ERG: variants seen among roughly 807,000 people sequenced by gnomAD.
ERG encodes ETS transcription factor ERG.
A neutral mutation model predicts 55.3 loss-of-function variants in ERG; 9 were observed. The observed-to-expected ratio is 0.16, with a 90% CI of 0.10 to 0.28. ERG has a LOEUF of 0.28. Among genes scored for constraint, ERG ranks in the 10% least tolerant of loss-of-function variants. ERG has a pLI of 1.00. For missense variants in ERG, 434 were observed against 631.6 expected (o/e 0.69, Z 3.35); for synonymous variants, 223 against 237.3 (o/e 0.94, Z 0.55).
intron 2 of ERG, among the ~76,000 whole-genome samples, chr21:38,535,551 T>A (rs538098600): frequency 6.6e-6 from 1 of 152,228 alleles, no homozygotes; most frequent in Non-Finnish European, 1.5e-5. Flanking sequence ...TTTATTTTTT[T>A]CCCTTATTTG....
chr21:38,622,491 TCATA>T (rs1462044381), intron 1 of ERG, among the ~76,000 whole-genome samples: 1 of 143,464 alleles, frequency 7.0e-6, no homozygotes, highest in Admixed American at 6.9e-5. Flanking sequence ...ACACACATGC[TCATA>T]CATACCACAC....
At chr21:38,654,633 C>G (rs2060508010) in intron 1 of ERG, among the ~76,000 whole-genome samples, 2 of 152,280 alleles carry the variant, frequency 1.3e-5, no homozygotes, top group African/African-American at 4.8e-5. Context: ...CCAGAAGACT[C>G]CCTAGATTTG....
chr21:38,598,950 G>C (rs932591336), intron 1 of ERG, among the ~76,000 whole-genome samples: 9 of 152,156 alleles, frequency 5.9e-5, no homozygotes, highest in African/African-American at 1.9e-4. Context: ...CCACCCCAGG[G>C]AAAGAAAGGA....
chr21:38,494,564 ATTTTTATGT>A, intron 1 of ERG, among the ~76,000 whole-genome samples: 1 of 152,184 alleles, frequency 6.6e-6, no homozygotes, highest in Non-Finnish European at 1.5e-5. Flanking sequence ...TCATTTACTT[ATTTTTATGT>A]ATGCTTTTTC....
chr21:38,393,018 G>C (rs1988048456), intron 6 of ERG, among the ~76,000 whole-genome samples: 1 of 152,046 alleles, frequency 6.6e-6, no homozygotes, highest in Non-Finnish European at 1.5e-5. Flanking sequence ...AGTCTTATCT[G>C]ATCTAGTGAT....
intron 5 of ERG, among the ~76,000 whole-genome samples, chr21:38,402,252 A>G (rs1360441791): frequency 6.6e-6 from 1 of 152,224 alleles, no homozygotes; most frequent in African/African-American, 2.4e-5. Context: ...TATTGGGACC[A>G]ACAGAAGAAG....
chr21:38,472,982 C>T (rs1484874130), intron 1 of ERG, among the ~76,000 whole-genome samples: 1 of 152,162 alleles, frequency 6.6e-6, no homozygotes, highest in Admixed American at 6.5e-5. Flanking sequence ...GACCTCGGCT[C>T]CCCGCCTGCA....
At chr21:38,572,464 T>C (rs950646280) in intron 2 of ERG, among the ~76,000 whole-genome samples, 3 of 151,998 alleles carry the variant, frequency 2.0e-5, no homozygotes, top group African/African-American at 7.2e-5. Context: ...AAATTTTACT[T>C]CAAAAACTCC....
chr21:38,596,412 T>C (rs1222501493), intron 1 of ERG, among the ~76,000 whole-genome samples: 1 of 152,136 alleles, frequency 6.6e-6, no homozygotes, highest in African/African-American at 2.4e-5. Flanking sequence ...GAAAGGCACA[T>C]CCTGGTTCAA....
chr21:38,638,251 C>T (rs1161961127), intron 1 of ERG, among the ~76,000 whole-genome samples: 1 of 152,164 alleles, frequency 6.6e-6, no homozygotes, highest in Non-Finnish European at 1.5e-5. Flanking sequence ...AACAGAGCCC[C>T]TCCCAGTGGG....
intron 2 of ERG, among the ~76,000 whole-genome samples, chr21:38,512,353 C>T (rs533182196): frequency 6.6e-6 from 1 of 152,248 alleles, no homozygotes; most frequent in South Asian, 2.1e-4. Context: ...CATTGACATT[C>T]GTGTATAATG....
chr21:38,612,801 C>T (rs2060235792), intron 1 of ERG, among the ~76,000 whole-genome samples: 1 of 151,898 alleles, frequency 6.6e-6, no homozygotes, highest in Non-Finnish European at 1.5e-5. Context: ...GTAGCTGGGA[C>T]TACAGGCGCC....
chr21:38,645,374 C>T (rs1205002597), intron 1 of ERG, among the ~76,000 whole-genome samples: 1 of 152,060 alleles, frequency 6.6e-6, no homozygotes, highest in Non-Finnish European at 1.5e-5. Context: ...TGTAGGCATA[C>T]ATTGCAATGT....
chr21:38,628,223 C>CA (rs1223164401), intron 1 of ERG, among the ~76,000 whole-genome samples: 1 of 152,166 alleles, frequency 6.6e-6, no homozygotes, highest in Non-Finnish European at 1.5e-5. Context: ...GTGCTGGAAT[C>CA]AGAGGTGTGA....
intron 1 of ERG, among the ~76,000 whole-genome samples, chr21:38,590,253 G>T (rs1030169242): frequency 7.9e-5 from 12 of 152,166 alleles, no homozygotes; most frequent in African/African-American, 2.7e-4. Context: ...TGTGGTGAGG[G>T]TCACAAGAGA....
At chr21:38,468,957 C>T (rs1451043752) in intron 1 of ERG, among the ~76,000 whole-genome samples, 1 of 141,556 alleles carries the variant, frequency 7.1e-6, no homozygotes, top group Non-Finnish European at 1.5e-5. Flanking sequence ...TGCACTCCAG[C>T]CTGGGAGACA....
chr21:38,585,861 C>A (rs1389558250), upstream of ERG, among the ~76,000 whole-genome samples: 1 of 151,338 alleles, frequency 6.6e-6, no homozygotes, highest in African/African-American at 2.4e-5. Context: ...CACAGAAAAG[C>A]ATTTGTTGTG....
intron 2 of ERG, among the ~76,000 whole-genome samples, chr21:38,525,142 T>C (rs1460892779): frequency 6.6e-6 from 1 of 152,122 alleles, no homozygotes; most frequent in African/African-American, 2.4e-5. Flanking sequence ...AAGAGAAATT[T>C]ATTTCAGATA....
chr21:38,514,747 A>G (rs1197806529), intron 2 of ERG, among the ~76,000 whole-genome samples: 5 of 152,008 alleles, frequency 3.3e-5, no homozygotes, highest in African/African-American at 1.2e-4. Flanking sequence ...AGTCTTAGTT[A>G]GTAAAGAAGG....
Sources: allele counts gnomAD v4.1 joint callset (sites outside exome capture counted in the v4.1 genomes callset), GRCh38; gene constraint gnomAD v4.1.1; transcripts MANE v1.5; gene names NCBI Gene and HGNC (gene_info 2026-07-23, HGNC 2026-07-21).